KCNH8: variants seen among roughly 807,000 people sequenced by gnomAD.
KCNH8 encodes the protein voltage-gated delayed rectifier potassium channel KCNH8.
KCNH8 carries 70 observed loss-of-function variants against 103.6 expected under a neutral mutation model. The ratio of observed to expected loss-of-function variants is 0.68; its 90% CI spans 0.56 to 0.82. The LOEUF is 0.82. Ranked by LOEUF, KCNH8 falls within the 40% of genes least tolerant of loss-of-function variation. The pLI, the probability that KCNH8 is intolerant of heterozygous loss-of-function variation, is 0.00. For missense variants in KCNH8, 1,217 were observed against 1,329.9 expected (o/e 0.92, Z 1.32); for synonymous variants, 498 against 489.4 (o/e 1.02, Z -0.23).
At chr3:19,418,665 T>C (rs1167394353) in intron 7 of KCNH8, among the ~76,000 whole-genome samples, 2 of 152,184 alleles carry the variant, frequency 1.3e-5, no homozygotes, top group African/African-American at 2.4e-5. Context: ...AGCTGAGGTG[T>C]CTGAGTATGA....
chr3:19,254,325 G>C lies in KCNH8; in HGVS notation c.310+438G>C, dbSNP rs117821139. Reference sequence around the variant, plus strand: ...AGATCTGTGTGTTCCCTGCAAAAAAGGAAGTCAGTTAAAAAAAAAAATTGG... The same window carrying C: ...AGATCTGTGTGTTCCCTGCAAAAAACGAAGTCAGTTAAAAAAAAAAATTGG... On this transcript the variant is annotated intron_variant, in intron 2 of 15. Transcript: ENST00000328405. 1.1e-3 allele frequency among the ~76,000 whole-genome samples: 172 copies of C among 151,850 alleles called. No individual in the cohort carries two copies. The East Asian group carries it at 0.028, about 25-fold the overall frequency.
At chr3:19,192,323 A>G (rs1445986309) in intron 1 of KCNH8, among the ~76,000 whole-genome samples, 1 of 151,564 alleles carries the variant, frequency 6.6e-6, no homozygotes, top group African/African-American at 2.4e-5. Context: ...TCATTTTTTG[A>G]GGTAGCAAAC....
intron 5 of KCNH8, among the ~76,000 whole-genome samples, chr3:19,375,341 T>C (rs1352594108): frequency 6.7e-6 from 1 of 149,818 alleles, no homozygotes; most frequent in Non-Finnish European, 1.5e-5. Context: ...CCCTTCTCGC[T>C]TCATTTCATT....
chr3:19,350,500 T>C (rs2065785446), intron 5 of KCNH8, among the ~76,000 whole-genome samples: 1 of 152,050 alleles, frequency 6.6e-6, no homozygotes, highest in Non-Finnish European at 1.5e-5. Flanking sequence ...TGACACCTCA[T>C]GCAGCTGGGT....
chr3:19,404,036 C>T (rs1252138747), intron 7 of KCNH8, among the ~76,000 whole-genome samples: 2 of 152,006 alleles, frequency 1.3e-5, no homozygotes, highest in Admixed American at 1.3e-4. Context: ...TTTTCAATTT[C>T]TTACTATGTG....
chr3:19,307,298 A>G (rs1372582013), intron 3 of KCNH8, among the ~76,000 whole-genome samples: 1 of 152,068 alleles, frequency 6.6e-6, no homozygotes, highest in African/African-American at 2.4e-5. Context: ...AAAAATATAT[A>G]TATGAAAAAT....
chr3:19,469,341 T>C (rs945656915), intron 11 of KCNH8, among the ~76,000 whole-genome samples: 2 of 152,224 alleles, frequency 1.3e-5, no homozygotes, highest in African/African-American at 4.8e-5. Flanking sequence ...TACACTTTTA[T>C]GCTGCTTAAG....
intron 7 of KCNH8, among the ~76,000 whole-genome samples, chr3:19,405,554 A>G (rs2125143039): frequency 6.6e-6 from 1 of 152,046 alleles, no homozygotes; most frequent in Non-Finnish European, 1.5e-5. Context: ...TGCTGAAAAG[A>G]TGTTTTATAA....
intron 1 of KCNH8, among the ~76,000 whole-genome samples, chr3:19,156,223 C>T (rs2063179814): frequency 6.6e-6 from 1 of 152,264 alleles, no homozygotes; most frequent in African/African-American, 2.4e-5. Context: ...TTTTCTGTTC[C>T]TATCACAACC....
rs139358359 is a variant in KCNH8 at position 19,499,591 on chromosome 3, C to T, written c.2041-10772C>T. Among the ~76,000 whole-genome samples the T allele has an allele frequency of 6.6e-3, 1,002 of 152,254 alleles. 6 individuals carry two copies. Among genetic ancestry groups the T allele is most frequent in the African/African-American group, 0.019 (769 of 41,546 alleles). On this transcript the variant is annotated intron_variant, in intron 11 of 15. Transcript: ENST00000328405. ...AACAGCAGACTAACAGCAGATCTCT[C>T]GGCAGAAACTCTACAGGCCAGAAGA...
intron 11 of KCNH8, among the ~76,000 whole-genome samples, chr3:19,489,517 C>A (rs1205616504): frequency 6.6e-6 from 1 of 152,134 alleles, no homozygotes; most frequent in African/African-American, 2.4e-5. Context: ...GAGAAGGGAC[C>A]TGTCCAGGCT....
At chr3:19,378,072 TTAGATAATCA>T (rs2066236580) in intron 5 of KCNH8, among the ~76,000 whole-genome samples, 1 of 152,192 alleles carries the variant, frequency 6.6e-6, no homozygotes, top group African/African-American at 2.4e-5. Context: ...GGCGGTTCTC[TTAGATAATCA>T]TTTAGGGACT....
intron 1 of KCNH8, among the ~76,000 whole-genome samples, chr3:19,173,105 C>A (rs552502186): frequency 2.0e-5 from 3 of 152,220 alleles, no homozygotes; most frequent in Non-Finnish European, 4.4e-5. Context: ...TTGAAAACTG[C>A]AGATTCCCAG....
chr3:19,153,635 C>CTTTTTTTTTTTTT (rs773828081), intron 1 of KCNH8, among the ~76,000 whole-genome samples: 1 of 128,916 alleles, frequency 7.8e-6, no homozygotes, highest in African/African-American at 2.9e-5. Flanking sequence ...TTTCTTTTTT[C>CTTTTTTTTTTTTT]TTTTTTTTTT....
intron 7 of KCNH8, among the ~76,000 whole-genome samples, chr3:19,433,248 T>C (rs541480772): frequency 6.6e-6 from 1 of 152,300 alleles, no homozygotes; most frequent in African/African-American, 2.4e-5. Context: ...TAATATTGCT[T>C]GCCCTGGAAG....
chr3:19,207,040 C>A (rs1172888888), intron 1 of KCNH8, among the ~76,000 whole-genome samples: 1 of 151,778 alleles, frequency 6.6e-6, no homozygotes, highest in Non-Finnish European at 1.5e-5. Context: ...ATACCTGAAA[C>A]TCCATGAAGA....
intron 1 of KCNH8, among the ~76,000 whole-genome samples, chr3:19,151,863 A>G (rs891122539): frequency 1.3e-5 from 2 of 152,014 alleles, no homozygotes; most frequent in South Asian, 2.1e-4. Context: ...AAATAAAAAT[A>G]TTATATAAAA....
chr3:19,500,380 GAC>G (rs929152191), intron 11 of KCNH8, among the ~76,000 whole-genome samples: 2 of 152,094 alleles, frequency 1.3e-5, no homozygotes, highest in Non-Finnish European at 2.9e-5. Context: ...AGATCAATGA[GAC>G]AGAAAATCAA....
At chr3:19,270,412 T>G (rs1233382989) in intron 2 of KCNH8, among the ~76,000 whole-genome samples, 1 of 152,154 alleles carries the variant, frequency 6.6e-6, no homozygotes, top group Non-Finnish European at 1.5e-5. Flanking sequence ...TGTAGGAAAA[T>G]GCCTGTAATC....
Sources: allele counts gnomAD v4.1 joint callset (sites outside exome capture counted in the v4.1 genomes callset), GRCh38; gene constraint gnomAD v4.1.1; transcripts MANE v1.5; gene names NCBI Gene and HGNC (gene_info 2026-07-23, HGNC 2026-07-21).